Variants in HNF4G observed in about 807,000 individuals in gnomAD.
HNF4G encodes hepatocyte nuclear factor 4 gamma, also known as hepatocyte nuclear factor 4-gamma.
In HNF4G, 21 loss-of-function variants were observed where a neutral mutation model predicts 50.9. The observed-to-expected ratio is 0.41, with a 90% CI of 0.29 to 0.59. HNF4G has a LOEUF of 0.59. Ranked by LOEUF, HNF4G falls within the 20% of genes least tolerant of loss-of-function variation. The probability of loss-of-function intolerance (pLI) is 0.26; values close to 1 mark genes in which losing one functional copy is unlikely to be tolerated. For synonymous variants in HNF4G, 198 were observed against 185.6 expected, an observed-to-expected ratio of 1.07 and a Z score of -0.54; for missense variants, 527 against 559.4, an observed-to-expected ratio of 0.94 and a Z score of 0.58.
At chr8:75,460,151 T>C (rs1281825794) in intron 1 of HNF4G, among the ~76,000 whole-genome samples, 2 of 152,056 alleles carry the variant, frequency 1.3e-5, no homozygotes, top group Non-Finnish European at 2.9e-5. Context: ...AAATGACTAG[T>C]AACTAAGTGG....
rs61411885 is a variant in HNF4G at position 75,458,369 on chromosome 8, C to CTT, written c.-143-31699_-143-31698dup. Among the ~76,000 whole-genome samples the CTT allele has an allele frequency of 9.8e-3, 1,150 of 117,078 alleles. 37 individuals carry two copies. The East Asian group carries it at 0.14, about 14-fold the overall frequency. 76.8% of individuals were successfully genotyped at this position (117,078 alleles called of 152,430 possible). A position where few individuals can be genotyped will look rare whatever the true frequency, so the allele number is the denominator to read the frequency against. On this transcript the variant is annotated intron_variant, in intron 1 of 10. Transcript: ENST00000354370. ...TGTTGGTTTATGTTTAATGGTCTAA[C>CTT]TTTTTTTTTTTTTTTTTTTTTTACT...
chr8:75,451,374 C>G (rs943390217), intron 1 of HNF4G, among the ~76,000 whole-genome samples: 1 of 151,866 alleles, frequency 6.6e-6, no homozygotes. Flanking sequence ...GCTTTTGTTA[C>G]CTGTGCTTTT....
Position 75,556,056 on chromosome 8 carries a change from T to G in HNF4G, c.720T>G (p.Asp240Glu). ...CAAAGAGATCCATGATGTATAAAGATATTTTGCTTTTGGGTAAGTTTTTTT... is the reference window on the plus strand; with the variant it reads ...CAAAGAGATCCATGATGTATAAAGAGATTTTGCTTTTGGGTAAGTTTTTTT... ...GATKRSMMYK[D>E]ILLLGNNYVI... The change falls in exon 6 of 10, where the codon GAT becomes GAG. Residue 240 changes from aspartate (D) to glutamate (E), a missense_variant. Physicochemically the swap from Asp to Glu is conservative, Grantham distance 45. This residue lies in a region of HNF4G where 308 missense variants were observed against 301.5 expected (regional missense o/e 1.02). Transcript: ENST00000396423. 1 of 1,537,432 alleles carries G rather than the reference T, an allele frequency of 6.5e-7. No individual in the cohort carries two copies. The highest frequency in any genetic ancestry group is 8.7e-7 in the Non-Finnish European group (1 of 1,146,656).
At chr8:75,491,076 G>C (rs892934161) in intron 2 of HNF4G, among the ~76,000 whole-genome samples, 1 of 152,108 alleles carries the variant, frequency 6.6e-6, no homozygotes, top group Admixed American at 6.6e-5. Flanking sequence ...TTTCAATCTT[G>C]TCTCTGCCAT....
chr8:75,427,977 A>G (rs73341195), intron 1 of HNF4G, among the ~76,000 whole-genome samples: 7,418 of 152,246 alleles, frequency 0.049, 500 homozygotes, highest in African/African-American at 0.15. Context: ...TCAAAGCAAC[A>G]TTGTTTTAGT....
intron 1 of HNF4G, among the ~76,000 whole-genome samples, chr8:75,474,200 C>T (rs542043313): frequency 8.5e-5 from 13 of 152,282 alleles, no homozygotes; most frequent in African/African-American, 2.9e-4. Context: ...GATAACAAAA[C>T]TTAAACAGTT....
intron 2 of HNF4G, among the ~76,000 whole-genome samples, chr8:75,515,757 T>G (rs1363181632): frequency 6.6e-6 from 1 of 151,714 alleles, no homozygotes. Flanking sequence ...CTGACATTCA[T>G]GGGGGCCACC....
At chr8:75,440,009 A>G (rs1361865696) in intron 1 of HNF4G, among the ~76,000 whole-genome samples, 1 of 152,014 alleles carries the variant, frequency 6.6e-6, no homozygotes, top group Non-Finnish European at 1.5e-5. Context: ...CTGCATAACT[A>G]TTTCAGAATA....
At chr8:75,517,105 A>G (rs1805907153) in intron 2 of HNF4G, among the ~76,000 whole-genome samples, 1 of 152,162 alleles carries the variant, frequency 6.6e-6, no homozygotes, top group Admixed American at 6.5e-5. Context: ...TAAGACCATC[A>G]GATATCATGA....
At chr8:75,521,778 C>T (rs1362211560) in intron 2 of HNF4G, among the ~76,000 whole-genome samples, 1 of 152,094 alleles carries the variant, frequency 6.6e-6, no homozygotes, top group Non-Finnish European at 1.5e-5. Flanking sequence ...TAATCCTTAT[C>T]TTTTGGATAA....
At chr8:75,552,020 T>C (rs1194662490) in intron 4 of HNF4G, among the ~76,000 whole-genome samples, 1 of 152,184 alleles carries the variant, frequency 6.6e-6, no homozygotes, top group Non-Finnish European at 1.5e-5. Context: ...GTTAAAAAAA[T>C]AAGTCATTAG....
At chr8:75,481,720 A>G (rs1036438040) in intron 1 of HNF4G, among the ~76,000 whole-genome samples, 3 of 152,170 alleles carry the variant, frequency 2.0e-5, no homozygotes, top group Admixed American at 1.3e-4. Flanking sequence ...GAAATTTAAG[A>G]TCAACATGGC....
At chr8:75,489,674 A>G (rs1270046923) in intron 1 of HNF4G, among the ~76,000 whole-genome samples, 1 of 152,234 alleles carries the variant, frequency 6.6e-6, no homozygotes, top group Non-Finnish European at 1.5e-5. Context: ...ACATGGGGTC[A>G]TACACACAGG....
intron 1 of HNF4G, among the ~76,000 whole-genome samples, chr8:75,462,982 T>C (rs1811888324): frequency 6.6e-6 from 1 of 152,018 alleles, no homozygotes; most frequent in Non-Finnish European, 1.5e-5. Context: ...TTGTGGGCCT[T>C]ATTTTTATTT....
In HNF4G at chr8:75,551,464, A is replaced by C. The variant is rs765121244; in HGVS notation, c.459A>C (p.Thr153=). Residue 153 remains threonine, a synonymous_variant, in exon 4 of 10, where the codon ACA becomes ACC. Coordinates refer to ENST00000396423, the MANE Select transcript of HNF4G (RefSeq NM_004133.5). ...FDGSNIPSIN[T]LAQAEVRSRQ... is the part of the protein sequence containing the mutation. ...GCAGCAACATCCCCTCCATTAACAC[A>C]CTGGCACAAGCTGAAGTTCGGTCTC... 1 of 1,612,376 alleles carries C rather than the reference A, an allele frequency of 6.2e-7. No individual in the cohort carries two copies. The highest frequency in any genetic ancestry group is 2.2e-5 in the East Asian group (1 of 44,836).
chr8:75,501,730 A>C (rs552144621), intron 2 of HNF4G, among the ~76,000 whole-genome samples: 1 of 152,324 alleles, frequency 6.6e-6, no homozygotes, highest in South Asian at 2.1e-4. Context: ...AAAATGGTAT[A>C]TATTTATGGT....
At chr8:75,469,237 C>T (rs1812060499) in intron 1 of HNF4G, among the ~76,000 whole-genome samples, 1 of 152,086 alleles carries the variant, frequency 6.6e-6, no homozygotes, top group Admixed American at 6.5e-5. Flanking sequence ...ATTCGCATTT[C>T]CTTAGTCAAA....
chr8:75,515,390 T>C (rs1006385617), intron 2 of HNF4G, among the ~76,000 whole-genome samples: 1 of 152,144 alleles, frequency 6.6e-6, no homozygotes, highest in Admixed American at 6.6e-5. Flanking sequence ...AAACAACCAA[T>C]AGGACACACA....
intron 2 of HNF4G, among the ~76,000 whole-genome samples, chr8:75,523,131 A>G (rs1020117789): frequency 4.6e-5 from 7 of 152,054 alleles, no homozygotes; most frequent in African/African-American, 1.7e-4. Flanking sequence ...AGGCTGAGGC[A>G]GGAGAATTGC....
Sources: gnomAD v4.1 joint callset for allele counts (sites outside exome capture counted in the v4.1 genomes callset) on GRCh38, gnomAD v4.1.1 for gene constraint, gnomAD v4.1.1 regional missense constraint, MANE v1.5 for transcripts, NCBI Gene and HGNC (gene_info 2026-07-23, HGNC 2026-07-21) for gene names.